RPS6KC1: variants seen among roughly 807,000 people sequenced by gnomAD.
The protein encoded by RPS6KC1 is ribosomal protein S6 kinase C1.
A neutral mutation model predicts 103.8 loss-of-function variants in RPS6KC1; 54 were observed. That is an observed-to-expected ratio of 0.52 (90% CI 0.42 to 0.65). The LOEUF (loss-of-function observed/expected upper bound fraction) is 0.65. Among genes scored for constraint, RPS6KC1 ranks in the 30% least tolerant of loss-of-function variants. RPS6KC1 has a pLI of 0.00. For synonymous variants in RPS6KC1, 439 were observed against 438.7 expected, an observed-to-expected ratio of 1.00 and a Z score of -0.01; for missense variants, 1,151 against 1,253.8, an observed-to-expected ratio of 0.92 and a Z score of 1.24.
chr1:213,559,940 C>T, the RPS6KC1 span, among the ~76,000 whole-genome samples: 3 of 151,760 alleles, frequency 2.0e-5, no homozygotes, highest in African/African-American at 4.8e-5. Context: ...ACGTGTATGT[C>T]GTAGCAGGTA....
the RPS6KC1 span, among the ~76,000 whole-genome samples, chr1:213,378,300 C>T: frequency 6.6e-6 from 1 of 152,194 alleles, no homozygotes; most frequent in Non-Finnish European, 1.5e-5. Context: ...TTCTGTTTCC[C>T]CATCTGTAAA....
the RPS6KC1 span, among the ~76,000 whole-genome samples, chr1:213,714,401 C>G: frequency 6.6e-6 from 1 of 152,228 alleles, no homozygotes; most frequent in African/African-American, 2.4e-5. Flanking sequence ...AGTAGATTAT[C>G]TTTCCCTTTT....
the RPS6KC1 span, among the ~76,000 whole-genome samples, chr1:213,401,183 A>G: frequency 6.6e-6 from 1 of 152,116 alleles, no homozygotes; most frequent in African/African-American, 2.4e-5. Context: ...GTGGGTATTT[A>G]TTGAGCATCC....
At chr1:213,740,893 A>C in the RPS6KC1 span, among the ~76,000 whole-genome samples, 2,675 of 76,058 alleles carry the variant, frequency 0.035, 104 homozygotes, top group African/African-American at 0.073. Context: ...ACATATATAC[A>C]TCTCAGATAT....
the RPS6KC1 span, among the ~76,000 whole-genome samples, chr1:213,648,999 G>A: frequency 6.6e-6 from 1 of 151,994 alleles, no homozygotes; most frequent in South Asian, 2.1e-4. Context: ...ACTAGGACAC[G>A]GTCTCCACCT....
At chr1:213,474,486 C>T in the RPS6KC1 span, among the ~76,000 whole-genome samples, 1 of 152,126 alleles carries the variant, frequency 6.6e-6, no homozygotes, top group African/African-American at 2.4e-5. Flanking sequence ...TCAGAAATGG[C>T]ATATGGGAGG....
At chr1:213,066,580 C>T (rs2078350290) in intron 1 of RPS6KC1, among the ~76,000 whole-genome samples, 1 of 152,164 alleles carries the variant, frequency 6.6e-6, no homozygotes. Flanking sequence ...CGTCTAGGTC[C>T]TGCTGCTTGT....
the RPS6KC1 span, among the ~76,000 whole-genome samples, chr1:213,839,471 T>C: frequency 1.2e-4 from 18 of 152,322 alleles, no homozygotes; most frequent in African/African-American, 4.3e-4. Context: ...ATGGTTCATG[T>C]ACCCTGAATT....
chr1:213,486,971 C>G, the RPS6KC1 span, among the ~76,000 whole-genome samples: 1 of 152,296 alleles, frequency 6.6e-6, no homozygotes, highest in East Asian at 1.9e-4. Context: ...AGTGGTCATC[C>G]CTGCCTTCTA....
the RPS6KC1 span, among the ~76,000 whole-genome samples, chr1:213,728,937 G>T: frequency 2.6e-4 from 24 of 93,426 alleles, no homozygotes; most frequent in South Asian, 7.7e-4. Flanking sequence ...GAACATGAGG[G>T]TTTTTTTTTT....
the RPS6KC1 span, among the ~76,000 whole-genome samples, chr1:213,300,078 T>A: frequency 6.6e-6 from 1 of 152,182 alleles, no homozygotes; most frequent in African/African-American, 2.4e-5. Context: ...GCGCTGGGAT[T>A]ACAGGCGTGA....
chr1:213,719,896 G>A, the RPS6KC1 span, among the ~76,000 whole-genome samples: 77 of 152,260 alleles, frequency 5.1e-4, no homozygotes, highest in African/African-American at 1.7e-3. Context: ...CCTACTTTAC[G>A]TGATATACTC....
chr1:213,496,417 C>G, the RPS6KC1 span, among the ~76,000 whole-genome samples: 1 of 152,056 alleles, frequency 6.6e-6, no homozygotes, highest in African/African-American at 2.4e-5. Context: ...AACAAATGAT[C>G]TTTAGTATTA....
In RPS6KC1 at chr1:213,151,625, C is replaced by T. The variant is rs1461802003; in HGVS notation, c.836-16233C>T. On this transcript the variant is annotated intron_variant, in intron 6 of 14. Coordinates refer to ENST00000366960, the MANE Select transcript of RPS6KC1 (RefSeq NM_012424.6). ...CTGACCCCCCCACCTCCATCCCAGACGGGGCGGCTGGCTGGGCAGAGGGGC... is the reference window on the plus strand; with the variant it reads ...CTGACCCCCCCACCTCCATCCCAGATGGGGCGGCTGGCTGGGCAGAGGGGC... 5.4e-5 allele frequency among the ~76,000 whole-genome samples: 5 copies of T among 91,760 alleles called. 1 individual carries two copies. The South Asian group carries it at 1.1e-3, about 21-fold the overall frequency. The allele number at this position is 91,760 out of a possible 152,430, so 60.2% of individuals were successfully genotyped here.
At chr1:213,779,474 T>C in the RPS6KC1 span, among the ~76,000 whole-genome samples, 6 of 152,376 alleles carry the variant, frequency 3.9e-5, no homozygotes, top group East Asian at 1.2e-3. Context: ...CATGGATTCA[T>C]GGCAGTTTTC....
At chr1:213,110,654 C>T (rs1355617468) in intron 4 of RPS6KC1, among the ~76,000 whole-genome samples, 1 of 152,156 alleles carries the variant, frequency 6.6e-6, no homozygotes, top group African/African-American at 2.4e-5. Context: ...AAAGTCTCAG[C>T]TGTTTTAAAA....
the RPS6KC1 span, among the ~76,000 whole-genome samples, chr1:213,521,361 C>T: frequency 6.6e-6 from 1 of 152,158 alleles, no homozygotes; most frequent in Non-Finnish European, 1.5e-5. Context: ...CTTAAAATTG[C>T]TAATGGTAAT....
At chr1:213,138,860 G>A (rs1276608125) in intron 6 of RPS6KC1, among the ~76,000 whole-genome samples, 2 of 152,142 alleles carry the variant, frequency 1.3e-5, no homozygotes, top group Non-Finnish European at 2.9e-5. Context: ...GTATCTTTGA[G>A]CATATACCCA....
chr1:213,578,301 A>C, the RPS6KC1 span, among the ~76,000 whole-genome samples: 2 of 152,258 alleles, frequency 1.3e-5, no homozygotes, highest in East Asian at 1.9e-4. Flanking sequence ...GCAGGGGCAG[A>C]GTCCTCATAG....
Sources: allele counts gnomAD v4.1 joint callset (sites outside exome capture counted in the v4.1 genomes callset), GRCh38; gene constraint gnomAD v4.1.1; transcripts MANE v1.5; gene names NCBI Gene and HGNC (gene_info 2026-07-23, HGNC 2026-07-21).